KDM4C: variants seen among roughly 807,000 people sequenced by gnomAD.
KDM4C encodes the protein lysine-specific demethylase 4C.
KDM4C carries 81 observed loss-of-function variants against 129.3 expected under a neutral mutation model. That is an observed-to-expected ratio of 0.63 (90% CI 0.52 to 0.75). KDM4C has a LOEUF of 0.75. Among genes scored for constraint, KDM4C ranks in the 30% least tolerant of loss-of-function variants. The pLI, the probability that KDM4C is intolerant of heterozygous loss-of-function variation, is 0.00. For synonymous variants in KDM4C, 573 were observed against 456.1 expected (o/e 1.26, Z -3.26); for missense variants, 1,457 against 1,304.0 (o/e 1.12, Z -1.81).
intron 8 of KDM4C, among the ~76,000 whole-genome samples, chr9:6,965,118 C>A (rs1830716841): frequency 6.6e-6 from 1 of 151,852 alleles, no homozygotes; most frequent in East Asian, 1.9e-4. Flanking sequence ...TTTCCCATTA[C>A]TCTTTCTTGC....
At chr9:6,924,815 C>G in intron 8 of KDM4C, 4 of 979,182 alleles carry the variant, frequency 4.1e-6, no homozygotes, top group Non-Finnish European at 4.9e-6. Context: ...TTTCTGCATT[C>G]CACTTTGCTA....
intron 19 of KDM4C, among the ~76,000 whole-genome samples, chr9:7,130,728 A>G (rs971124216): frequency 4.6e-5 from 7 of 152,124 alleles, no homozygotes; most frequent in African/African-American, 1.4e-4. Context: ...GGACGCATCT[A>G]TCTAAATGTG....
At chr9:6,938,426 C>G (rs767914810) in intron 8 of KDM4C, among the ~76,000 whole-genome samples, 1 of 152,144 alleles carries the variant, frequency 6.6e-6, no homozygotes, top group East Asian at 1.9e-4. Flanking sequence ...TAATATTTTG[C>G]TCCTACTGTC....
chr9:7,101,379 G>T (rs542475292), intron 17 of KDM4C, among the ~76,000 whole-genome samples: 1 of 152,272 alleles, frequency 6.6e-6, no homozygotes, highest in Admixed American at 6.5e-5. Flanking sequence ...GAAAATGGGG[G>T]TCTGAAATAC....
intron 19 of KDM4C, among the ~76,000 whole-genome samples, chr9:7,149,518 T>A (rs1842536578): frequency 6.6e-6 from 1 of 152,204 alleles, no homozygotes; most frequent in African/African-American, 2.4e-5. Flanking sequence ...GATCACCTGT[T>A]CCCAGCCCCC....
chr9:6,982,090 C>T (rs1341516753), intron 9 of KDM4C: 1 of 151,770 alleles, frequency 6.6e-6, no homozygotes, highest in African/African-American at 2.4e-5. Flanking sequence ...GATTGATTTG[C>T]TGCAACATGA....
chr9:7,087,474 A>G lies in KDM4C; in HGVS notation c.2425-16211A>G, dbSNP rs1388085381. ...GTAGCTTTGATCAGTTATAAACTGAAAATAAGTATAATAGCCAAACTAGAG... is the reference window on the plus strand; with the variant it reads ...GTAGCTTTGATCAGTTATAAACTGAGAATAAGTATAATAGCCAAACTAGAG... On this transcript the variant is annotated intron_variant, in intron 17 of 21. Coordinates refer to ENST00000381309, the MANE Select transcript of KDM4C (RefSeq NM_015061.6). Among the ~76,000 whole-genome samples, 7 of 152,208 alleles carry G rather than the reference A, an allele frequency of 4.6e-5. No individual in the cohort carries two copies. The East Asian group carries it at 1.3e-3, about 29-fold the overall frequency.
intron 1 of KDM4C, among the ~76,000 whole-genome samples, chr9:6,725,818 C>T (rs1260784029): frequency 6.2e-5 from 9 of 146,180 alleles, no homozygotes; most frequent in African/African-American, 1.0e-4. Context: ...CAAGCAATTC[C>T]CCTGCTTCAG....
At chr9:7,051,691 G>A (rs1018115592) in intron 17 of KDM4C, among the ~76,000 whole-genome samples, 4 of 152,038 alleles carry the variant, frequency 2.6e-5, no homozygotes, top group Non-Finnish European at 5.9e-5. Context: ...TTTTTTTCTG[G>A]AGCTGTGGGC....
chr9:6,792,753 C>G (rs1826925402), intron 1 of KDM4C, among the ~76,000 whole-genome samples: 3 of 152,100 alleles, frequency 2.0e-5, no homozygotes, highest in Non-Finnish European at 4.4e-5. Flanking sequence ...CAGTGGTTCT[C>G]TACCTGGCAT....
intron 1 of KDM4C, among the ~76,000 whole-genome samples, chr9:6,722,449 G>A (rs552542456): frequency 7.4e-4 from 113 of 152,106 alleles, no homozygotes; most frequent in African/African-American, 2.6e-3. Flanking sequence ...AGGCTGAGGC[G>A]GGCAGATCTG....
chr9:7,100,747 T>G (rs1686605020), intron 17 of KDM4C, among the ~76,000 whole-genome samples: 1 of 152,120 alleles, frequency 6.6e-6, no homozygotes, highest in African/African-American at 2.4e-5. Context: ...TATGGATTCT[T>G]CCTTTTTTTC....
intron 2 of KDM4C, among the ~76,000 whole-genome samples, chr9:6,804,439 C>T (rs552750884): frequency 2.6e-5 from 4 of 152,176 alleles, no homozygotes; most frequent in African/African-American, 7.2e-5. Flanking sequence ...GCTGTGCTAT[C>T]GCCATATTGT....
At chr9:6,830,477 A>C (rs1834633532) in intron 4 of KDM4C, among the ~76,000 whole-genome samples, 1 of 152,214 alleles carries the variant, frequency 6.6e-6, no homozygotes, top group Non-Finnish European at 1.5e-5. Flanking sequence ...CATGAATGCC[A>C]GGAGTCTGAT....
intron 20 of KDM4C, among the ~76,000 whole-genome samples, chr9:7,168,153 A>G (rs952257622): frequency 1.3e-5 from 2 of 152,146 alleles, no homozygotes; most frequent in Admixed American, 6.5e-5. Flanking sequence ...GCGCCGTTGC[A>G]CTCCAGCCTA....
chr9:6,809,257 T>C (rs1395662171), intron 3 of KDM4C, among the ~76,000 whole-genome samples: 4 of 152,228 alleles, frequency 2.6e-5, no homozygotes, highest in African/African-American at 9.6e-5. Context: ...AACATGAAAC[T>C]TTCAACAAAG....
chr9:7,004,514 T>C (rs1477296254), intron 12 of KDM4C, among the ~76,000 whole-genome samples: 1 of 152,228 alleles, frequency 6.6e-6, no homozygotes, highest in Non-Finnish European at 1.5e-5. Flanking sequence ...GTGTAATATA[T>C]ATAGTCATAC....
chr9:7,082,943 T>C (rs566437257), intron 17 of KDM4C, among the ~76,000 whole-genome samples: 3 of 152,358 alleles, frequency 2.0e-5, no homozygotes, highest in Non-Finnish European at 4.4e-5. Context: ...TTGATATTAA[T>C]AGCCATTGTT....
chr9:7,096,270 G>A (rs1012206668), intron 17 of KDM4C, among the ~76,000 whole-genome samples: 4 of 152,204 alleles, frequency 2.6e-5, no homozygotes, highest in Non-Finnish European at 4.4e-5. Flanking sequence ...CTTTCAACAT[G>A]AGATTGTAAT....
Sources: gnomAD v4.1 joint callset for allele counts (sites outside exome capture counted in the v4.1 genomes callset) on GRCh38, gnomAD v4.1.1 for gene constraint, MANE v1.5 for transcripts, NCBI Gene and HGNC (gene_info 2026-07-23, HGNC 2026-07-21) for gene names.